The following P2RY8 variants were observed in gnomAD, a reference collection of about 807,000 sequenced individuals.
P2RY8 encodes the protein P2Y receptor family member 8.
P2RY8 carries 6 observed loss-of-function variants against 10.0 expected under a neutral mutation model. That is an observed-to-expected ratio of 0.60 (90% CI 0.33 to 1.19). P2RY8 has a LOEUF of 1.19. Among genes scored for constraint, P2RY8 ranks in the 50% most tolerant of loss-of-function variants. The pLI, the probability that P2RY8 is intolerant of heterozygous loss-of-function variation, is 0.04. For synonymous variants in P2RY8, 276 were observed against 252.5 expected (o/e 1.09, Z -0.88); for missense variants, 456 against 542.0 (o/e 0.84, Z 1.58).
At chrX:1,522,926 G>GT (rs1350776474) in intron 1 of P2RY8, among the ~76,000 whole-genome samples, 156 of 151,550 alleles carry the variant, frequency 1.0e-3, no homozygotes, top group African/African-American at 3.8e-3. Flanking sequence ...AACATTAGCT[G>GT]GGCATGGTGC....
chrX:1,484,749 G>GAAAAAAAA (rs2091971981), intron 1 of P2RY8, among the ~76,000 whole-genome samples: 1 of 66,550 alleles, frequency 1.5e-5, no homozygotes, highest in Non-Finnish European at 2.7e-5. Flanking sequence ...AAAAAAAAAA[G>GAAAAAAAA]AAGAAGAAGA....
At position 1,480,421 on chromosome X, in the gene P2RY8, C is replaced by A. The variant is rs187783202; in HGVS notation, c.-24-13839G>T. On this transcript the variant is annotated intron_variant, in intron 1 of 1. Transcript: ENST00000381297. ...TTTTTTTTTTTGAGACAGGGCCTTTCTCTGTCAACCAAGCTGGGGGCAGTA... is the reference window on the plus strand; with the variant it reads ...TTTTTTTTTTTGAGACAGGGCCTTTATCTGTCAACCAAGCTGGGGGCAGTA... Among the ~76,000 whole-genome samples the A allele has an allele frequency of 4.4e-3, 644 of 146,610 alleles. 4 individuals are homozygous for A. Among genetic ancestry groups the A allele is most frequent in the Middle Eastern group, 0.021 (6 of 282 alleles).
At chrX:1,531,775 A>T (rs1394158211) in intron 1 of P2RY8, among the ~76,000 whole-genome samples, 2 of 152,110 alleles carry the variant, frequency 1.3e-5, no homozygotes, top group Non-Finnish European at 2.9e-5. Flanking sequence ...CGCAGTCCTC[A>T]AGGTCCCAGC....
Position 1,466,599 on chromosome X carries a change from G to A in P2RY8, c.-24-17C>T. Reference sequence around the variant, plus strand: ...GCCCGGGCTCTGCAAGGGAAGGAGGGAAGGGTGTACGGGTCAGGGGCGCAG... The same window carrying A: ...GCCCGGGCTCTGCAAGGGAAGGAGGAAAGGGTGTACGGGTCAGGGGCGCAG... On this transcript the variant is annotated splice_polypyrimidine_tract_variant and intron_variant, in intron 1 of 1. Transcript: ENST00000381297. 6.3e-7 allele frequency: 1 copy of A among 1,578,054 alleles called. No individual in the cohort carries two copies. Among genetic ancestry groups the A allele is most frequent in the Non-Finnish European group, 8.6e-7 (1 of 1,166,760 alleles).
Position 1,465,940 on chromosome X carries a change from C to A in P2RY8, c.619G>T (p.Val207Leu). Reference sequence around the variant, plus strand: ...GCCGTGTAACAAGCCACGGTGATCACGAACGGGATGAGGAACAGCAGGATG... The same window carrying A: ...GCCGTGTAACAAGCCACGGTGATCAAGAACGGGATGAGGAACAGCAGGATG... ...IFILLFLIPF[V>L]ITVACYTATI... Residue 207 changes from valine (V) to leucine (L), a missense_variant, in exon 2 of 2, where the codon GTG (valine) becomes TTG (leucine). Val to Leu is a conservative substitution (Grantham distance 32, BLOSUM62 1). Coordinates refer to ENST00000381297, the MANE Select transcript of P2RY8 (RefSeq NM_178129.5). 1.2e-6 allele frequency: 2 copies of A among 1,612,482 alleles called. No homozygotes were observed. The highest frequency in any genetic ancestry group is 1.7e-6 in the Non-Finnish European group (2 of 1,179,796).
intron 1 of P2RY8, among the ~76,000 whole-genome samples, chrX:1,484,471 C>G (rs2091968137): frequency 6.6e-6 from 1 of 151,948 alleles, no homozygotes; most frequent in African/African-American, 2.4e-5. Flanking sequence ...TCACGCCAGT[C>G]ATCCCAGCAC....
intron 1 of P2RY8, among the ~76,000 whole-genome samples, chrX:1,528,078 A>G (rs2092450560): frequency 6.6e-6 from 1 of 152,200 alleles, no homozygotes; most frequent in African/African-American, 2.4e-5. Flanking sequence ...CAGATGAGTG[A>G]TAAATAAATA....
chrX:1,498,434 GA>G (rs2092141387), intron 1 of P2RY8, among the ~76,000 whole-genome samples: 1 of 148,280 alleles, frequency 6.7e-6, no homozygotes, highest in Non-Finnish European at 1.5e-5. Context: ...GAAAAAGAAA[GA>G]AAACTTGAAG....
chrX:1,523,354 GTACC>G (rs2092406805), intron 1 of P2RY8, among the ~76,000 whole-genome samples: 2 of 151,766 alleles, frequency 1.3e-5, no homozygotes, highest in Non-Finnish European at 2.9e-5. Flanking sequence ...ATTCTCCCTG[GTACC>G]TAATCGTCTC....
chrX:1,506,682 C>CTT (rs765827943), intron 1 of P2RY8, among the ~76,000 whole-genome samples: 73 of 145,160 alleles, frequency 5.0e-4, no homozygotes, highest in African/African-American at 1.8e-3. Flanking sequence ...TTCTTTCTTT[C>CTT]TTTTTTTTTT....
At chrX:1,480,782 G>A (rs1382992763) in intron 1 of P2RY8, among the ~76,000 whole-genome samples, 1 of 151,718 alleles carries the variant, frequency 6.6e-6, no homozygotes, top group African/African-American at 2.4e-5. Context: ...TAACAAACCT[G>A]CATGTTCTGC....
At chrX:1,507,125 T>C (rs1334950512) in intron 1 of P2RY8, among the ~76,000 whole-genome samples, 2 of 115,928 alleles carry the variant, frequency 1.7e-5, no homozygotes, top group Non-Finnish European at 3.9e-5. Flanking sequence ...GGAGTCCTCA[T>C]GGGCCCCAAA....
chrX:1,466,705 C>T, intron 1 of P2RY8, 123 bp from the exon 2 acceptor site: 1 of 865,350 alleles, frequency 1.2e-6, no homozygotes, highest in Non-Finnish European at 1.7e-6. Flanking sequence ...GCAGGGCCTG[C>T]TGTCTCCTCC....
intron 1 of P2RY8, among the ~76,000 whole-genome samples, chrX:1,471,014 A>AT (rs1217530576): frequency 4.9e-4 from 58 of 118,638 alleles, no homozygotes; most frequent in East Asian, 2.9e-3. Context: ...TTTTTTTGTA[A>AT]TTTTTTTTTT....
chrX:1,532,445 G>GAA (rs2092484426), intron 1 of P2RY8, among the ~76,000 whole-genome samples: 1 of 36,934 alleles, frequency 2.7e-5, no homozygotes, highest in Non-Finnish European at 7.3e-5. Flanking sequence ...ATGTATATAT[G>GAA]TATATGTGTA....
intron 1 of P2RY8, among the ~76,000 whole-genome samples, chrX:1,470,726 A>G (rs1455020821): frequency 6.6e-6 from 1 of 152,090 alleles, no homozygotes; most frequent in African/African-American, 2.4e-5. Flanking sequence ...TCCACGCTGC[A>G]GCCTGGGTCA....
At chrX:1,471,309 ATTTTTTT>A (rs1159260456) in intron 1 of P2RY8, among the ~76,000 whole-genome samples, 25 of 100,056 alleles carry the variant, frequency 2.5e-4, no homozygotes, top group African/African-American at 7.7e-4. Flanking sequence ...CGCCCAGCCC[ATTTTTTT>A]TTTTTTTTTT....
chrX:1,515,903 G>C (rs2092342947), intron 1 of P2RY8, among the ~76,000 whole-genome samples: 1 of 143,304 alleles, frequency 7.0e-6, no homozygotes, highest in South Asian at 2.4e-4. Flanking sequence ...GCCAGGCATG[G>C]GGGCTCATGC....
At chrX:1,492,094 T>G (rs1199385922) in intron 1 of P2RY8, among the ~76,000 whole-genome samples, 9 of 152,154 alleles carry the variant, frequency 5.9e-5, no homozygotes, top group Non-Finnish European at 1.0e-4. Flanking sequence ...ACTCCCTGTC[T>G]GGGCTGTGTG....
Sources: gnomAD v4.1 joint callset for allele counts (sites outside exome capture counted in the v4.1 genomes callset) on GRCh38, gnomAD v4.1.1 for gene constraint, MANE v1.5 for transcripts, NCBI Gene and HGNC (gene_info 2026-07-23, HGNC 2026-07-21) for gene names.